APLF: variants seen among roughly 807,000 people sequenced by gnomAD.
APLF encodes aprataxin and PNKP like factor, also known as aprataxin and PNK-like factor.
In APLF, 61 loss-of-function variants were observed where a neutral mutation model predicts 55.6. The ratio of observed to expected loss-of-function variants is 1.10; its 90% CI spans 0.89 to 1.36. APLF has a LOEUF of 1.36. Among genes scored for constraint, APLF ranks in the 40% most tolerant of loss-of-function variants. APLF has a pLI of 0.00. For missense variants in APLF, 611 were observed against 602.5 expected (o/e 1.01, Z -0.15); for synonymous variants, 207 against 214.8 (o/e 0.96, Z 0.32).
chr2:68,513,126 A>G lies in APLF; in HGVS notation c.388A>G (p.Lys130Glu). 1.2e-6 allele frequency: 2 copies of G among 1,611,188 alleles called. No homozygotes were observed. Among genetic ancestry groups the G allele is most frequent in the Non-Finnish European group, 8.5e-7 (1 of 1,178,198 alleles). ...AGATAATATATTGAATGAAACACCA[A>G]AATCCCCCGTGATTAATTTACCTCA... ...DEDNILNETP[K>E]SPVINLPHET... The change falls in exon 4 of 10, where the codon AAA becomes GAA. Residue 130 changes from lysine (K) to glutamate (E), a missense_variant. Coordinates refer to ENST00000303795, the MANE Select transcript of APLF (RefSeq NM_173545.3).
chr2:68,529,202 G>C lies in APLF; in HGVS notation c.804+2960G>C. ...GACAACAGGAGGCAGGACCCTCTGTGGGGTGCCCGTGTTCCAAGGGATAAG... is the reference window on the plus strand; with the variant it reads ...GACAACAGGAGGCAGGACCCTCTGTCGGGTGCCCGTGTTCCAAGGGATAAG... On this transcript the variant is annotated intron_variant, in intron 6 of 9. Transcript: ENST00000303795. This position sits in a 1 kb window ranked among gnomAD's most constrained non-coding sequence, Gnocchi z 4.4. 1 of 1,251,912 alleles carries C rather than the reference G, an allele frequency of 8.0e-7. No individual in the cohort carries two copies. Among genetic ancestry groups the C allele is most frequent in the Non-Finnish European group, 1.1e-6 (1 of 923,278 alleles). 77.6% of individuals were successfully genotyped at this position (1,251,912 alleles called of 1,614,324 possible). A position where few individuals can be genotyped will look rare whatever the true frequency, so the allele number is the denominator to read the frequency against.
intron 2 of APLF, among the ~76,000 whole-genome samples, chr2:68,496,296 G>T (rs1676544794): frequency 6.6e-6 from 1 of 152,080 alleles, no homozygotes; most frequent in Non-Finnish European, 1.5e-5. Context: ...GTGGAGATGG[G>T]GTTTTGCCAT....
chr2:68,541,048 G>T (rs1670533675), intron 7 of APLF, among the ~76,000 whole-genome samples: 1 of 152,054 alleles, frequency 6.6e-6, no homozygotes, highest in African/African-American at 2.4e-5. Context: ...GAAGATCTGT[G>T]GGTTAAGCAT....
intron 7 of APLF, among the ~76,000 whole-genome samples, chr2:68,544,271 A>C (rs1489445902): frequency 6.6e-6 from 1 of 151,980 alleles, no homozygotes. Flanking sequence ...GAGCCACCAC[A>C]GCCGACCCAA....
Position 68,538,172 on chromosome 2 carries a change from T to C in APLF, c.1105T>C (p.Ser369Pro). 1 of 1,613,434 alleles carries C rather than the reference T, an allele frequency of 6.2e-7. No individual in the cohort carries two copies. The highest frequency in any genetic ancestry group is 2.2e-5 in the East Asian group (1 of 44,874). The part of the protein sequence containing the change: ...AKATDSVLQG[S>P]EGNKVKRTSC... ...GGCAACTGATTCAGTTCTACAAGGT[T>C]CTGAAGGAAACAAGGTCAAGAGGAC... is the stretch of plus-strand genomic sequence containing the variant. Residue 369 changes from serine to proline, a missense_variant, in exon 7 of 10, where the codon TCT becomes CCT. Ser to Pro is a moderately conservative substitution (Grantham distance 74). Transcript: ENST00000303795.
At chr2:68,545,338 A>C in intron 8 of APLF, 26 bp downstream of exon 8, 1 of 1,592,912 alleles carries the variant, frequency 6.3e-7, no homozygotes, top group Non-Finnish European at 8.6e-7. Context: ...GTTTGGCTGC[A>C]CTCCTTTTCT....
rs386390398 is a variant in APLF, at chr2:68,525,742, C to CTTTTTTTTTTTTT, written c.623-306_623-294dup. ...TTTATCCTTTTTATTTTCTTTCTTT[C>CTTTTTTTTTTTTT]TTTTTTTTTTTTTTTTTTTTTTTTT... On this transcript the variant is annotated intron_variant, in intron 5 of 9. Coordinates refer to ENST00000303795, the MANE Select transcript of APLF (RefSeq NM_173545.3). Among the ~76,000 whole-genome samples the CTTTTTTTTTTTTT allele has an allele frequency of 3.6e-3, 298 of 82,012 alleles. 49 individuals carry two copies. Among genetic ancestry groups the CTTTTTTTTTTTTT allele is most frequent in the African/African-American group, 0.017 (271 of 16,172 alleles). 53.8% of individuals were successfully genotyped at this position (82,012 alleles called of 152,430 possible).
chr2:68,472,936 C>T (rs1476943955), intron 1 of APLF, among the ~76,000 whole-genome samples: 1 of 152,012 alleles, frequency 6.6e-6, no homozygotes, highest in Non-Finnish European at 1.5e-5. Flanking sequence ...ACTCTCTGCC[C>T]TCTTACATGT....
At chr2:68,555,806 C>T (rs963688439) in intron 8 of APLF, among the ~76,000 whole-genome samples, 1 of 152,150 alleles carries the variant, frequency 6.6e-6, no homozygotes, top group South Asian at 2.1e-4. Context: ...ATTCCTTAAA[C>T]AACTAAAAGT....
At chr2:68,475,223 A>G (rs1204988839) in intron 1 of APLF, among the ~76,000 whole-genome samples, 2 of 152,336 alleles carry the variant, frequency 1.3e-5, no homozygotes, top group South Asian at 2.1e-4. Flanking sequence ...GTCATCATAT[A>G]TTAATGATGA....
At chr2:68,469,948 C>G (rs534174846) in intron 1 of APLF, among the ~76,000 whole-genome samples, 1 of 152,254 alleles carries the variant, frequency 6.6e-6, no homozygotes, top group African/African-American at 2.4e-5. Context: ...GTAAAATAGT[C>G]TTGGTAGTAA....
Position 68,538,053 on chromosome 2 carries a change from C to T in APLF, c.986C>T (p.Ser329Leu), listed in dbSNP as rs769480335. 23 of 1,613,996 alleles carry T rather than the reference C, an allele frequency of 1.4e-5. No individual in the cohort carries two copies. Among genetic ancestry groups the T allele is most frequent in the Middle Eastern group, 3.3e-4 (2 of 6,082 alleles). ...GCAATGAGCTGTTCTGAAAATTGTT[C>T]GAGTGCCCAGGGCGACTCACTTCAG... is the stretch of plus-strand genomic sequence containing the variant. The part of the protein sequence containing the change: ...DEAMSCSENC[S>L]SAQGDSLQDE... The change falls in exon 7 of 10, where the codon TCG becomes TTG. Residue 329 changes from serine to leucine, a missense_variant. Transcript: ENST00000303795.
At chr2:68,573,532 G>A (rs966873431) in intron 9 of APLF, among the ~76,000 whole-genome samples, 1 of 152,198 alleles carries the variant, frequency 6.6e-6, no homozygotes, top group Non-Finnish European at 1.5e-5. Flanking sequence ...AAGTAGCTGG[G>A]CGTGGTGGCG....
intron 3 of APLF, among the ~76,000 whole-genome samples, chr2:68,509,782 A>G (rs367675054): frequency 6.6e-6 from 1 of 152,036 alleles, no homozygotes; most frequent in African/African-American, 2.4e-5. Context: ...TGTTTATTGC[A>G]GCACTATTCA....
intron 5 of APLF, among the ~76,000 whole-genome samples, chr2:68,517,268 GTCATTACTATATAATATATTAATA>G (rs1669629533): frequency 9.7e-6 from 1 of 103,250 alleles, no homozygotes; most frequent in Non-Finnish European, 1.9e-5. Context: ...ATTAATATAT[GTCATTACTATATAATATATTAATA>G]TATGTCATTA....
chr2:68,573,436 G>C (rs1294457528), intron 9 of APLF, among the ~76,000 whole-genome samples: 3 of 152,150 alleles, frequency 2.0e-5, no homozygotes, highest in Non-Finnish European at 4.4e-5. Flanking sequence ...ACTTTGGGGG[G>C]CCGAGGCGGG....
chr2:68,562,942 T>A (rs1027158394), intron 8 of APLF, among the ~76,000 whole-genome samples: 2 of 152,092 alleles, frequency 1.3e-5, no homozygotes, highest in Admixed American at 6.6e-5. Context: ...CTCATTTTCT[T>A]GTTAAAGTCC....
Position 68,545,243 on chromosome 2 carries a change from G to T in APLF, c.1217G>T (p.Gly406Val), listed in dbSNP as rs1307945250. ...CATCCTGGTGATAGTGATTATGGAG[G>T]TGTACAAATCGTGGGCCAAGATGAG... ...FSHPGDSDYG[G>V]VQIVGQDETD... The change falls in exon 8 of 10, where the codon GGT (glycine) becomes GTT (valine). Residue 406 changes from glycine (G) to valine (V), a missense_variant. Physicochemically the swap from Gly to Val is moderately radical, Grantham distance 109. Coordinates refer to ENST00000303795, the MANE Select transcript of APLF (RefSeq NM_173545.3). The T allele has an allele frequency of 1.2e-6, 2 of 1,613,818 alleles. No homozygotes were observed. Among genetic ancestry groups the T allele is most frequent in the South Asian group, 1.1e-5 (1 of 91,064 alleles).
chr2:68,579,484 G>C lies in APLF; in HGVS notation c.*1462G>C. The stretch of plus-strand genomic sequence containing the variant: ...TTGAAAACATTTCCACATAAAAACT[G>C]TACACAATGTCAATAGAAGCATTAT... On this transcript the variant is annotated 3_prime_UTR_variant, in exon 10 of 10. Coordinates refer to ENST00000303795, the MANE Select transcript of APLF (RefSeq NM_173545.3). 1 of 782,926 alleles carries C rather than the reference G, an allele frequency of 1.3e-6. No individual in the cohort carries two copies. Among genetic ancestry groups the C allele is most frequent in the Non-Finnish European group, 1.5e-6 (1 of 645,524 alleles). The allele number at this position is 782,926 out of a possible 1,614,324, so 48.5% of individuals were successfully genotyped here.
Sources: allele counts gnomAD v4.1 joint callset (sites outside exome capture counted in the v4.1 genomes callset), GRCh38; gene constraint gnomAD v4.1.1; non-coding constraint Gnocchi (gnomAD v3.1); transcripts MANE v1.5; gene names NCBI Gene and HGNC (gene_info 2026-07-23, HGNC 2026-07-21).